The following NLRP1 variants were observed in gnomAD, a reference collection of about 807,000 sequenced individuals.
The protein encoded by NLRP1 is NLR family pyrin domain containing 1, also known as NACHT, LRR and PYD domains-containing protein 1.
A neutral mutation model predicts 136.7 loss-of-function variants in NLRP1; 94 were observed. The observed-to-expected ratio is 0.69, with a 90% CI of 0.58 to 0.82. The LOEUF is 0.82. Among genes scored for constraint, NLRP1 ranks in the 40% least tolerant of loss-of-function variants. The pLI is 0.00. For synonymous variants in NLRP1, 690 were observed against 725.1 expected (o/e 0.95, Z 0.78); for missense variants, 1,575 against 1,802.7 (o/e 0.87, Z 2.29).
intron 8 of NLRP1, among the ~76,000 whole-genome samples, chr17:5,535,089 A>G (rs1910863880): frequency 6.6e-6 from 1 of 152,088 alleles, no homozygotes; most frequent in African/African-American, 2.4e-5. Context: ...GTGTGGTGGC[A>G]TGCACCTGTA....
In NLRP1 at chr17:5,535,142, C is replaced by T. The variant is rs140389838; in HGVS notation, c.2961-1154G>A. Reference sequence around the variant, plus strand: ...GGCTGAGGCATAAGAATGGTTTGAACCTGGGAGGCAGAGGTTACAGTGAGC... The same window carrying T: ...GGCTGAGGCATAAGAATGGTTTGAATCTGGGAGGCAGAGGTTACAGTGAGC... On this transcript the variant is annotated intron_variant, in intron 8 of 16. Transcript: ENST00000572272. Among the ~76,000 whole-genome samples, 730 of 152,218 alleles carry T rather than the reference C, an allele frequency of 4.8e-3. 3 individuals carry two copies. Among genetic ancestry groups the T allele is most frequent in the Middle Eastern group, 6.8e-3 (2 of 294 alleles).
intron 12 of NLRP1, among the ~76,000 whole-genome samples, chr17:5,524,101 T>A (rs566542753): frequency 3.7e-4 from 57 of 152,232 alleles, no homozygotes; most frequent in African/African-American, 1.3e-3. Context: ...TTAGTAGAGA[T>A]GGGGTTTCAC....
At chr17:5,571,465 T>C (rs1354944012) in intron 3 of NLRP1, among the ~76,000 whole-genome samples, 1 of 152,096 alleles carries the variant, frequency 6.6e-6, no homozygotes, top group East Asian at 1.9e-4. Flanking sequence ...TGTAACATTG[T>C]GCAATAAGCA....
At chr17:5,526,769 C>T (rs1205224183) in intron 12 of NLRP1, among the ~76,000 whole-genome samples, 1 of 152,186 alleles carries the variant, frequency 6.6e-6, no homozygotes, top group Non-Finnish European at 1.5e-5. Flanking sequence ...TGAAGAGCTC[C>T]GCGCTTTCAT....
At chr17:5,539,702 T>A (rs1027780906) in intron 6 of NLRP1, 117 bp from the exon 7 acceptor site, 1 of 1,413,430 alleles carries the variant, frequency 7.1e-7, no homozygotes, top group African/African-American at 1.5e-5. Flanking sequence ...TGGGATGACA[T>A]GCAGAGAAGA....
intron 3 of NLRP1, among the ~76,000 whole-genome samples, chr17:5,568,050 T>C (rs1915510506): frequency 6.6e-6 from 1 of 152,136 alleles, no homozygotes; most frequent in Non-Finnish European, 1.5e-5. Context: ...CTACTTTGGG[T>C]TAAATCTACT....
In NLRP1 at chr17:5,558,698, A is replaced by G. The variant is rs202057812; in HGVS notation, c.1998T>C (p.Phe666=). ...ATAGGAAACGTGTGGTTGATGCCCCAAACAGGCCATGTATTCCATATGCTT... is the reference window on the plus strand; with the variant it reads ...ATAGGAAACGTGTGGTTGATGCCCCGAACAGGCCATGTATTCCATATGCTT... ...TLEAYGIHGL[F]GASTTRFLLG... is the part of the protein sequence containing the mutation. Residue 666 remains phenylalanine, a synonymous_variant, in exon 4 of 17, where the codon TTT becomes TTC. Transcript: ENST00000572272. The G allele has an allele frequency of 1.2e-6, 2 of 1,614,038 alleles. No homozygotes were observed.
At chr17:5,579,891 T>C (rs573501290) in intron 3 of NLRP1, among the ~76,000 whole-genome samples, 1 of 152,126 alleles carries the variant, frequency 6.6e-6, no homozygotes, top group South Asian at 2.1e-4. Flanking sequence ...AAAGGAACAA[T>C]AGACACTGGG....
Position 5,558,439 on chromosome 17 carries a change from C to T in NLRP1, c.2257G>A (p.Val753Met). ...CTGAATTTAATGCAGAAAGTGCACA[C>T]TAAGAGCTCCATGTCTGTTTCTACA... ...MCVETDMELL[V>M]CTFCIKFSRH... Residue 753 changes from valine (V) to methionine (M), a missense_variant, in exon 4 of 17, where the codon GTG (valine) becomes ATG (methionine). Coordinates refer to ENST00000572272, the MANE Select transcript of NLRP1 (RefSeq NM_033004.4). 6.2e-7 allele frequency: 1 copy of T among 1,613,788 alleles called. No homozygotes were observed. The highest frequency in any genetic ancestry group is 8.5e-7 in the Non-Finnish European group (1 of 1,179,904).
At chr17:5,543,672 A>G (rs2151778612) in intron 5 of NLRP1, among the ~76,000 whole-genome samples, 1 of 151,776 alleles carries the variant, frequency 6.6e-6, no homozygotes, top group Admixed American at 6.6e-5. Flanking sequence ...AAAAAAAAAA[A>G]ATGCAAGATC....
At position 5,541,905 on chromosome 17, in the gene NLRP1, T is replaced by C. The variant is rs1597432293; in HGVS notation, c.2651A>G (p.His884Arg). Residue 884 changes from histidine (H) to arginine (R), a missense_variant, in exon 6 of 17, where the codon CAC becomes CGC. Physicochemically the swap from His to Arg is conservative, Grantham distance 29. Transcript: ENST00000572272. This position sits in a 1 kb window ranked among gnomAD's most constrained non-coding sequence, Gnocchi z 4.2. ...FNVLTDAGAK[H>R]LCQRLRQPSC... ...CGGCTGTCTCAGTCTCTGGCAAAGG[T>C]GTTTGGCTCCAGCATCCGTGAGCAC... 6.2e-7 allele frequency: 1 copy of C among 1,613,176 alleles called. No individual in the cohort carries two copies. Among genetic ancestry groups the C allele is most frequent in the Non-Finnish European group, 8.5e-7 (1 of 1,179,934 alleles).
intron 8 of NLRP1, among the ~76,000 whole-genome samples, chr17:5,535,675 G>A (rs1305604887): frequency 6.6e-6 from 1 of 152,200 alleles, no homozygotes; most frequent in East Asian, 1.9e-4. Context: ...AACAGTGCCC[G>A]ACACATAGTG....
rs1380221036 is a variant in NLRP1, at chr17:5,559,149, A to G, written c.1547T>C (p.Leu516Pro). Residue 516 changes from leucine to proline, a missense_variant, in exon 4 of 17, where the codon CTG becomes CCG. Physicochemically the swap from Leu to Pro is moderately conservative, Grantham distance 98. Transcript: ENST00000572272. ...CCAGGACACCCAGGGCACAAGACAC[A>G]GGGCCCAGAGCTCTTTGTTTGATTT... Reference protein sequence around the residue: ...LVKSNKELWALCLVPWVSWLA... With the variant: ...LVKSNKELWAPCLVPWVSWLA... 1.2e-6 allele frequency: 2 copies of G among 1,612,856 alleles called. No homozygotes were observed. The highest frequency in any genetic ancestry group is 1.3e-5 in the African/African-American group (1 of 74,908).
At chr17:5,531,151 TATCTATCTATCTA>T (rs1477591918) in intron 11 of NLRP1, among the ~76,000 whole-genome samples, 24 of 150,084 alleles carry the variant, frequency 1.6e-4, no homozygotes, top group South Asian at 4.2e-4. Flanking sequence ...TCTGTCTATC[TATCTATCTATCTA>T]ATCTATCTAA....
At chr17:5,565,375 T>C (rs1915229346) in intron 3 of NLRP1, among the ~76,000 whole-genome samples, 1 of 152,226 alleles carries the variant, frequency 6.6e-6, no homozygotes, top group Non-Finnish European at 1.5e-5. Context: ...TTATATATTC[T>C]GGTTATTAAT....
At chr17:5,516,161 T>TG (rs974326145) in intron 15 of NLRP1, among the ~76,000 whole-genome samples, 1 of 152,142 alleles carries the variant, frequency 6.6e-6, no homozygotes, top group African/African-American at 2.4e-5. Context: ...AAGTTCAGTG[T>TG]GATCTCACAG....
Position 5,502,246 on chromosome 17 carries a change from T to C in NLRP1, c.4070-374A>G, listed in dbSNP as rs1291932855. 4 of 229,592 alleles carry C rather than the reference T, an allele frequency of 1.7e-5. No homozygotes were observed. The East Asian group carries it at 4.2e-4, about 24-fold the overall frequency. The allele number at this position is 229,592 out of a possible 1,614,324, so 14.2% of individuals were successfully genotyped here. On this transcript the variant is annotated intron_variant, in intron 15 of 15. Transcript: ENST00000262467. The stretch of plus-strand genomic sequence containing the variant: ...TCCAGTTGGCTGGATGAGGAGAAGA[T>C]GGAACCCTCATCCGTGATGTTGAGA...
chr17:5,570,598 A>C (rs2151817182), intron 3 of NLRP1, among the ~76,000 whole-genome samples: 1 of 152,248 alleles, frequency 6.6e-6, no homozygotes, highest in South Asian at 2.1e-4. Flanking sequence ...ATCAGTAATA[A>C]AAATTCTAAC....
intron 3 of NLRP1, among the ~76,000 whole-genome samples, chr17:5,575,307 C>T (rs776926036): frequency 1.6e-4 from 24 of 152,158 alleles, no homozygotes; most frequent in East Asian, 5.8e-4. Context: ...CTAAATGCTC[C>T]GATTAAAAGA....
Sources: gnomAD v4.1 joint callset for allele counts (sites outside exome capture counted in the v4.1 genomes callset) on GRCh38, gnomAD v4.1.1 for gene constraint, Gnocchi (gnomAD v3.1) non-coding constraint, MANE v1.5 for transcripts, NCBI Gene and HGNC (gene_info 2026-07-23, HGNC 2026-07-21) for gene names.